Variants in KCNH2 observed in about 807,000 individuals in gnomAD.
KCNH2 encodes potassium voltage-gated channel subfamily H member 2, also known as voltage-gated inwardly rectifying potassium channel KCNH2.
In KCNH2, 35 loss-of-function variants were observed where a neutral mutation model predicts 95.9. The ratio of observed to expected loss-of-function variants is 0.37; its 90% confidence interval spans 0.28 to 0.48. The LOEUF (loss-of-function observed/expected upper bound fraction) is 0.48. Among genes scored for constraint, KCNH2 ranks in the 20% least tolerant of loss-of-function variants. KCNH2 has a pLI of 0.99. For synonymous variants in KCNH2, 786 were observed against 754.7 expected (o/e 1.04, Z -0.68); for missense variants, 1,274 against 1,702.9 (o/e 0.75, Z 4.43).
intron 9 of KCNH2, 189 bp downstream of exon 9, chr7:150,949,979 C>T (rs1801070782): frequency 6.5e-7 from 1 of 1,549,036 alleles, no homozygotes; most frequent in African/African-American, 1.4e-5. Context: ...AGTTCAGCAG[C>T]CTCACCCCAC....
rs781317328 is a variant in KCNH2, at chr7:150,947,459, G to A, written c.3021C>T (p.Arg1007=). The A allele has an allele frequency of 1.3e-6, 2 of 1,569,256 alleles. No homozygotes were observed. The highest frequency in any genetic ancestry group is 4.7e-5 in the East Asian group (2 of 42,988). Reference sequence around the variant, plus strand: ...GGCATCGAGGGAGCTCCTGGTACTGGCGGCCCCGACTGTCCCCCCAGAAGC... The same window carrying A: ...GGCATCGAGGGAGCTCCTGGTACTGACGGCCCCGACTGTCCCCCCAGAAGC... ...IFSFWGDSRG[R]QYQELPRCPA... Residue 1007 remains arginine, a synonymous_variant, in exon 13 of 15, where the codon CGC becomes CGT. Coordinates refer to ENST00000262186, the MANE Select transcript of KCNH2 (RefSeq NM_000238.4).
At position 150,952,515 on chromosome 7, in the gene KCNH2, G is replaced by A. The variant is rs740952; in HGVS notation, c.1467C>T (p.Ile489=). ...NEEVVSHPGR[I]AVHYFKGWFL... ...ACCAGCCCTTGAAGTAGTGGACGGCGATGCGGCCGGGGTGGCTGACCACCT... is the reference window on the plus strand; with the variant it reads ...ACCAGCCCTTGAAGTAGTGGACGGCAATGCGGCCGGGGTGGCTGACCACCT... The change falls in exon 6 of 15, where the codon ATC becomes ATT. Residue 489 remains isoleucine (I), a synonymous_variant. Coordinates refer to ENST00000262186, the MANE Select transcript of KCNH2 (RefSeq NM_000238.4). This position sits in a 1 kb window ranked among gnomAD's most constrained non-coding sequence, Gnocchi z 7.3. The A allele has an allele frequency of 0.25, 397,097 of 1,613,896 alleles. 55,477 individuals carry two copies. Among genetic ancestry groups the A allele is most frequent in the East Asian group, 0.67 (30,021 of 44,840 alleles).
chr7:150,977,718 A>C (rs1802010901), intron 1 of KCNH2, 120 bp downstream of exon 1: 7 of 518,990 alleles, frequency 1.3e-5, no homozygotes, highest in Non-Finnish European at 1.2e-5. Flanking sequence ...GGGGCCCACC[A>C]GGCCCCATTG....
Position 150,977,937 on chromosome 7 carries a change from C to A in KCNH2, c.-24G>T, listed in dbSNP as rs753233035. The A allele has an allele frequency of 1.3e-6, 2 of 1,559,760 alleles. No homozygotes were observed. The highest frequency in any genetic ancestry group is 1.7e-6 in the Non-Finnish European group (2 of 1,152,484). ...ATCCTGAGCCCATGGGCGGGCCGGG[C>A]GGGCCCCCACCCACCCCGGCCCGGC... is the stretch of plus-strand genomic sequence containing the variant. On this transcript the variant is annotated 5_prime_UTR_variant, in exon 1 of 15. Transcript: ENST00000262186.
At position 150,949,815 on chromosome 7, in the gene KCNH2, A is replaced by G. The variant is rs1021401214; in HGVS notation, c.2398+353T>C. The G allele has an allele frequency of 1.1e-5, 14 of 1,238,172 alleles. No individual in the cohort carries two copies. The highest frequency in any genetic ancestry group is 1.4e-5 in the Non-Finnish European group (13 of 962,878). The allele number at this position is 1,238,172 out of a possible 1,614,324, so 76.7% of individuals were successfully genotyped here. A position where few individuals can be genotyped will look rare whatever the true frequency, so the allele number is the denominator to read the frequency against. ...CAGGCATGAGGCTGCAGGGAACCACATGGCCCTTAGTGAAACCAAATGCCG... is the reference window on the plus strand; with the variant it reads ...CAGGCATGAGGCTGCAGGGAACCACGTGGCCCTTAGTGAAACCAAATGCCG... On this transcript the variant is annotated intron_variant, in intron 9 of 14. Coordinates refer to ENST00000262186, the MANE Select transcript of KCNH2 (RefSeq NM_000238.4).
chr7:150,950,409 G>T lies in KCNH2; in HGVS notation c.2157C>A (p.Gly719=), dbSNP rs748506070. 6.2e-7 allele frequency: 1 copy of T among 1,611,812 alleles called. No individual in the cohort carries two copies. The highest frequency in any genetic ancestry group is 1.1e-5 in the South Asian group (1 of 91,014). The change falls in exon 9 of 15, where the codon GGC becomes GGA. Residue 719 remains glycine, a synonymous_variant. Coordinates refer to ENST00000262186, the MANE Select transcript of KCNH2 (RefSeq NM_000238.4). Reference sequence around the variant, plus strand: ...TGTCAGCCTGCAGGCACTCAGGGAAGCCCTTCAGCACCTGGGGGCAGGGTG... The same window carrying T: ...TGTCAGCCTGCAGGCACTCAGGGAATCCCTTCAGCACCTGGGGGCAGGGTG... ...NGIDMNAVLK[G]FPECLQADIC...
rs143512106 is a variant in KCNH2, at chr7:150,948,483, G to A, written c.2653C>T (p.Arg885Cys). 1.0e-4 allele frequency: 162 copies of A among 1,612,162 alleles called. No individual in the cohort carries two copies. Among genetic ancestry groups the A allele is most frequent in the South Asian group, 2.2e-4 (20 of 91,062 alleles). ...CTGCGGAAGGACAACTTGCGCTTGC[G>A]TTGCCGACTGAAGCCACCCTCTAAC... ...TELEGGFSRQRKRKLSFRRRT... is the reference protein window; with the variant it reads ...TELEGGFSRQCKRKLSFRRRT... Residue 885 changes from arginine (R) to cysteine (C), a missense_variant, in exon 11 of 15, where the codon CGC (arginine) becomes TGC (cysteine). Coordinates refer to ENST00000262186, the MANE Select transcript of KCNH2 (RefSeq NM_000238.4).
intron 11 of KCNH2, among the ~76,000 whole-genome samples, 153 bp downstream of exon 11, chr7:150,948,291 A>G (rs893817482): frequency 2.6e-5 from 4 of 152,318 alleles, no homozygotes; most frequent in Middle Eastern, 3.4e-3. Flanking sequence ...AAAGATGGGC[A>G]GCATCTGGAC....
rs539423742 is a variant in KCNH2, at chr7:150,972,528, G to T, written c.307+2183C>A. 2.0e-5 allele frequency among the ~76,000 whole-genome samples: 3 copies of T among 152,348 alleles called. No homozygotes were observed. In the South Asian group the frequency reaches 6.2e-4, roughly 32 times the overall value. Reference sequence around the variant, plus strand: ...GCCAGGATACATGGGGTCCTAGGTGGCTGAGTGCCAGGCCAGCCTGTTGGC... The same window carrying T: ...GCCAGGATACATGGGGTCCTAGGTGTCTGAGTGCCAGGCCAGCCTGTTGGC... On this transcript the variant is annotated intron_variant, in intron 2 of 14. Transcript: ENST00000262186.
chr7:150,973,681 G>GC (rs1261363201), intron 2 of KCNH2, among the ~76,000 whole-genome samples: 1 of 152,198 alleles, frequency 6.6e-6, no homozygotes, highest in East Asian at 1.9e-4. Flanking sequence ...GCTTTGCAGG[G>GC]CCACCCCAGC....
chr7:150,967,053 C>T (rs12540183), intron 2 of KCNH2, among the ~76,000 whole-genome samples: 44,871 of 151,954 alleles, frequency 0.3, 7,733 homozygotes, highest in Non-Finnish European at 0.39. Context: ...CCAAGGCGGG[C>T]GGATCACCTG....
At position 150,962,012 on chromosome 7, in the gene KCNH2, C is replaced by T. The variant is rs1311043893; in HGVS notation, c.308-2276G>A. On this transcript the variant is annotated intron_variant, in intron 2 of 14. Coordinates refer to ENST00000262186, the MANE Select transcript of KCNH2 (RefSeq NM_000238.4). This position sits in a 1 kb window ranked among gnomAD's most constrained non-coding sequence, Gnocchi z 5.7. ...CACCACATCCCAGACCCTCACAGCC[C>T]CGCCCGAGGGCCCTGAGCTCTGGGG... Among the ~76,000 whole-genome samples, 4 of 152,228 alleles carry T rather than the reference C, an allele frequency of 2.6e-5. No individual in the cohort carries two copies. Among genetic ancestry groups the T allele is most frequent in the Admixed American group, 1.3e-4 (2 of 15,288 alleles).
chr7:150,959,977 CTA>C (rs1252437831), intron 2 of KCNH2, among the ~76,000 whole-genome samples: 1 of 152,234 alleles, frequency 6.6e-6, no homozygotes, highest in Non-Finnish European at 1.5e-5. Flanking sequence ...CTCTCTCTGC[CTA>C]TATGATTTAT....
intron 1 of KCNH2, among the ~76,000 whole-genome samples, chr7:150,975,188 CCCCG>C (rs1173452391): frequency 2.0e-5 from 3 of 151,892 alleles, no homozygotes; most frequent in Admixed American, 2.0e-4. Flanking sequence ...GCGTGGCTTC[CCCCG>C]GGCAGGCCGC....
intron 2 of KCNH2, among the ~76,000 whole-genome samples, chr7:150,974,124 C>A (rs900597885): frequency 6.6e-6 from 1 of 152,148 alleles, no homozygotes; most frequent in African/African-American, 2.4e-5. Flanking sequence ...GGGCGGGGCG[C>A]TCGACAGCTG....
Position 150,958,303 on chromosome 7 carries a change from C to G in KCNH2, c.672G>C (p.Gly224=). 6.8e-7 allele frequency: 1 copy of G among 1,478,604 alleles called. No homozygotes were observed. Among genetic ancestry groups the G allele is most frequent in the South Asian group, 1.3e-5 (1 of 78,320 alleles). The allele number at this position is 1,478,604 out of a possible 1,614,324, so 91.6% of individuals were successfully genotyped here. The change falls in exon 4 of 15, where the codon GGG becomes GGC. Residue 224 remains glycine (G), a synonymous_variant. Transcript: ENST00000262186. ...CACGCCGCTCCTCCGCGGGCCCGAG[C>G]CCTGCCACGTGGTTGTCCATGGCTG... ...EVTAMDNHVA[G]LGPAEERRAL...
At chr7:150,956,671 C>T (rs1224128417) in intron 5 of KCNH2, among the ~76,000 whole-genome samples, 2 of 152,158 alleles carry the variant, frequency 1.3e-5, no homozygotes, top group East Asian at 3.9e-4. Context: ...ATTCAGGGAC[C>T]TGACCCTTCC....
At position 150,952,276 on chromosome 7, in the gene KCNH2, GCCA is replaced by G. The variant is rs1434709991; in HGVS notation, c.1557+146_1557+148del. Reference sequence around the variant, plus strand: ...CCCACCTTGCCTCTGCAGCTGCCTTGCCACCATGTCTCTCTCCCACTGTCTTTC... The same window carrying G: ...CCCACCTTGCCTCTGCAGCTGCCTTGCCATGTCTCTCTCCCACTGTCTTTC... On this transcript the variant is annotated intron_variant, in intron 6 of 14. Transcript: ENST00000262186. The surrounding 1 kb of genome is among the most constrained non-coding windows in gnomAD (Gnocchi z 7.3). 1 of 917,312 alleles carries G rather than the reference GCCA, an allele frequency of 1.1e-6. No homozygotes were observed. Among genetic ancestry groups the G allele is most frequent in the East Asian group, 2.6e-5 (1 of 37,862 alleles). 56.8% of individuals were successfully genotyped at this position (917,312 alleles called of 1,614,324 possible).
At position 150,974,957 on chromosome 7, in the gene KCNH2, G is replaced by A. The variant is rs923900044; in HGVS notation, c.77-16C>T. The A allele has an allele frequency of 1.9e-6, 3 of 1,574,446 alleles. No individual in the cohort carries two copies. Among genetic ancestry groups the A allele is most frequent in the Non-Finnish European group, 2.6e-6 (3 of 1,161,326 alleles). ...AACTTACGGCCTAGGGGGGCGGGGA[G>A]GAGAGTGCGCGTGAGCGGGGACCCC... On this transcript the variant is annotated splice_polypyrimidine_tract_variant and intron_variant, in intron 1 of 14. Transcript: ENST00000262186.
Sources: gnomAD v4.1 joint callset for allele counts (sites outside exome capture counted in the v4.1 genomes callset) on GRCh38, gnomAD v4.1.1 for gene constraint, Gnocchi (gnomAD v3.1) non-coding constraint, MANE v1.5 for transcripts, NCBI Gene and HGNC (gene_info 2026-07-23, HGNC 2026-07-21) for gene names.